Variants in ESR1 observed in about 807,000 individuals in gnomAD.
ESR1 encodes estrogen receptor.
A neutral mutation model predicts 52.7 loss-of-function variants in ESR1; 12 were observed. The ratio of observed to expected loss-of-function variants is 0.23; its 90% CI spans 0.15 to 0.37. The LOEUF (loss-of-function observed/expected upper bound fraction) is 0.37, where lower values mean the gene tolerates loss of function less well. Ranked by LOEUF, ESR1 falls within the 10% of genes least tolerant of loss-of-function variation. The pLI, the probability that ESR1 is intolerant of heterozygous loss-of-function variation, is 1.00. For missense variants in ESR1, 584 were observed against 779.7 expected, an observed-to-expected ratio of 0.75 and a Z score of 2.99; for synonymous variants, 305 against 316.8, an observed-to-expected ratio of 0.96 and a Z score of 0.39.
In ESR1 at chr6:152,058,996, TTAAG is replaced by T. The variant is rs199783320; in HGVS notation, c.1236-1993_1236-1990del. ...AATATATCAGAAGTAATCAACATTT[TTAAG>T]TCAAAGAAAAGAACGTCTGTGAAAA... On this transcript the variant is annotated intron_variant, in intron 5 of 7. Coordinates refer to ENST00000206249, the MANE Select transcript of ESR1 (RefSeq NM_000125.4). Among the ~76,000 whole-genome samples, 969 of 152,248 alleles carry T rather than the reference TTAAG, an allele frequency of 6.4e-3. 38 individuals are homozygous for T. The highest frequency in any genetic ancestry group is 1.7e-3 in the Non-Finnish European group (113 of 68,012).
At chr6:152,044,804 A>G (rs1396629550) in intron 5 of ESR1, among the ~76,000 whole-genome samples, 1 of 152,124 alleles carries the variant, frequency 6.6e-6, no homozygotes, top group Non-Finnish European at 1.5e-5. Context: ...CAGATTGAGG[A>G]TGGGTCTCTA....
chr6:151,708,498 T>A (rs946662921), intron 2 of ESR1, among the ~76,000 whole-genome samples: 2 of 152,190 alleles, frequency 1.3e-5, no homozygotes, highest in Non-Finnish European at 2.9e-5. Context: ...GGTTTTTTCA[T>A]ATTATTTTCT....
intron 5 of ESR1, 76 bp from the exon 6 acceptor site, chr6:152,060,915 C>T (rs1002145925): frequency 1.4e-5 from 17 of 1,189,480 alleles, no homozygotes; most frequent in Non-Finnish European, 1.9e-5. Context: ...GAATGTGAAC[C>T]CTTTCATGTC....
chr6:152,069,820 A>T (rs2048236969), intron 6 of ESR1, among the ~76,000 whole-genome samples: 1 of 137,366 alleles, frequency 7.3e-6, no homozygotes, highest in East Asian at 2.4e-4. Context: ...TTCCTGACAG[A>T]TTACGGACTG....
chr6:151,970,616 T>A (rs2038807247), intron 4 of ESR1, among the ~76,000 whole-genome samples: 1 of 152,186 alleles, frequency 6.6e-6, no homozygotes, highest in South Asian at 2.1e-4. Flanking sequence ...CACACTTTAT[T>A]GTTAATAACA....
intron 4 of ESR1, among the ~76,000 whole-genome samples, chr6:152,000,472 A>G (rs1378897421): frequency 6.6e-6 from 1 of 152,022 alleles, no homozygotes; most frequent in Non-Finnish European, 1.5e-5. Flanking sequence ...TCTTTATATA[A>G]ATATGATATC....
At chr6:151,969,116 AG>A (rs370994930) in intron 4 of ESR1, among the ~76,000 whole-genome samples, 51 of 152,274 alleles carry the variant, frequency 3.3e-4, no homozygotes, top group Non-Finnish European at 6.5e-4. Flanking sequence ...CAGTTGCTCC[AG>A]GGTGCTTTGC....
At chr6:151,751,831 C>A (rs993873671) in intron 2 of ESR1, among the ~76,000 whole-genome samples, 1 of 152,152 alleles carries the variant, frequency 6.6e-6, no homozygotes, top group Non-Finnish European at 1.5e-5. Flanking sequence ...TATTAATGTG[C>A]TAATAGCAGC....
At chr6:152,103,354 G>T (rs1037662157), downstream of ESR1, 6 of 167,462 alleles carry the variant, frequency 3.6e-5, no homozygotes, top group Non-Finnish European at 6.5e-5. Context: ...GTGGTTAAAC[G>T]ATCTGTCACA....
intron 6 of ESR1, chr6:152,121,675 G>C (rs2051407669): frequency 6.6e-6 from 1 of 151,794 alleles, no homozygotes; most frequent in African/African-American, 2.4e-5. Context: ...GGAAAAAAAA[G>C]CACAGACAAA....
At chr6:152,015,763 T>G (rs1440358188) in intron 5 of ESR1, among the ~76,000 whole-genome samples, 1 of 152,232 alleles carries the variant, frequency 6.6e-6, no homozygotes, top group Non-Finnish European at 1.5e-5. Context: ...GGAAAGATTT[T>G]CTTAATCTAT....
intron 3 of ESR1, among the ~76,000 whole-genome samples, chr6:151,883,918 G>A (rs1301088046): frequency 6.6e-6 from 1 of 152,046 alleles, no homozygotes; most frequent in African/African-American, 2.4e-5. Flanking sequence ...CCCACACACA[G>A]GACCTCATTG....
At chr6:151,982,895 G>A (rs796699750) in intron 4 of ESR1, among the ~76,000 whole-genome samples, 7 of 152,124 alleles carry the variant, frequency 4.6e-5, no homozygotes, top group African/African-American at 1.2e-4. Context: ...AATGCTAAAT[G>A]TCATCGGAGA....
chr6:152,032,161 A>G, intron 5 of ESR1, among the ~76,000 whole-genome samples: 1 of 152,224 alleles, frequency 6.6e-6, no homozygotes, highest in East Asian at 1.9e-4. Context: ...AGAGCTATCT[A>G]TGACAAACCC....
chr6:151,985,052 A>G (rs1295208218), intron 4 of ESR1, among the ~76,000 whole-genome samples: 2 of 152,134 alleles, frequency 1.3e-5, no homozygotes, highest in African/African-American at 2.4e-5. Context: ...ATATCAATGT[A>G]TGTATGAATG....
chr6:151,673,489 G>A (rs543076111), intron 1 of ESR1, among the ~76,000 whole-genome samples: 15 of 152,200 alleles, frequency 9.9e-5, no homozygotes, highest in Non-Finnish European at 1.8e-4. Context: ...TCAAAGTAGC[G>A]TGGACAATTT....
At chr6:152,105,369 T>C (rs1262217346), downstream of ESR1, among the ~76,000 whole-genome samples, 1 of 152,140 alleles carries the variant, frequency 6.6e-6, no homozygotes, top group Non-Finnish European at 1.5e-5. Flanking sequence ...CCTTTAACCT[T>C]TTCCCCCCAA....
chr6:151,874,205 AC>A (rs920358284), intron 2 of ESR1, among the ~76,000 whole-genome samples: 1 of 152,198 alleles, frequency 6.6e-6, no homozygotes, highest in African/African-American at 2.4e-5. Flanking sequence ...ATGGGACGAC[AC>A]CTTTTCCCGG....
At chr6:152,056,242 G>A (rs1444257973) in intron 5 of ESR1, among the ~76,000 whole-genome samples, 1 of 152,178 alleles carries the variant, frequency 6.6e-6, no homozygotes, top group East Asian at 1.9e-4. Context: ...CATGCTGAGA[G>A]ATTTTGTAGC....
Sources: gnomAD v4.1 joint callset for allele counts (sites outside exome capture counted in the v4.1 genomes callset) on GRCh38, gnomAD v4.1.1 for gene constraint, MANE v1.5 for transcripts, NCBI Gene and HGNC (gene_info 2026-07-23, HGNC 2026-07-21) for gene names.